CNOT6: variants seen among roughly 807,000 people sequenced by gnomAD.
CNOT6 encodes the protein carbon catabolite repression 4 protein.
Under a neutral mutation model 61.2 loss-of-function variants are expected in CNOT6, and 12 were observed. That is an observed-to-expected ratio of 0.20 (90% CI 0.13 to 0.32). CNOT6 has a LOEUF of 0.32. Among genes scored for constraint, CNOT6 ranks in the 10% least tolerant of loss-of-function variants. The probability of loss-of-function intolerance (pLI) is 1.00; values close to 1 mark genes in which losing one functional copy is unlikely to be tolerated. For synonymous variants in CNOT6, 225 were observed against 240.6 expected, an observed-to-expected ratio of 0.94 and a Z score of 0.60; for missense variants, 405 against 663.9, an observed-to-expected ratio of 0.61 and a Z score of 4.28.
At chr5:180,553,251 G>T in intron 3 of CNOT6, 135 bp from the exon 4 acceptor site, 1 of 385,752 alleles carries the variant, frequency 2.6e-6, no homozygotes, top group Non-Finnish European at 4.8e-6. Flanking sequence ...TTTAAGAAAC[G>T]CAGTACTAGA....
chr5:180,530,309 T>C (rs144515099), intron 2 of CNOT6, among the ~76,000 whole-genome samples: 1 of 152,352 alleles, frequency 6.6e-6, no homozygotes, highest in Non-Finnish European at 1.5e-5. Flanking sequence ...GTCCCGCTTT[T>C]TATGGAGCTT....
chr5:180,546,611 GC>G (rs1759326898), intron 2 of CNOT6, among the ~76,000 whole-genome samples: 3 of 152,060 alleles, frequency 2.0e-5, no homozygotes, highest in African/African-American at 7.2e-5. Flanking sequence ...TTCTAATATT[GC>G]TTTAAGTAGT....
chr5:180,543,653 T>G (rs1759156590), intron 2 of CNOT6, among the ~76,000 whole-genome samples: 1 of 152,208 alleles, frequency 6.6e-6, no homozygotes, highest in African/African-American at 2.4e-5. Flanking sequence ...GCTTTAAAAT[T>G]TTAGTAGATA....
intron 1 of CNOT6, among the ~76,000 whole-genome samples, chr5:180,509,706 C>T (rs1181195596): frequency 6.6e-6 from 1 of 151,836 alleles, no homozygotes; most frequent in Non-Finnish European, 1.5e-5. Flanking sequence ...TGAGCCACCA[C>T]ACCCAGCCTA....
intron 1 of CNOT6, among the ~76,000 whole-genome samples, chr5:180,528,525 C>T (rs1026131740): frequency 6.6e-5 from 10 of 152,064 alleles, no homozygotes; most frequent in African/African-American, 2.4e-4. Flanking sequence ...CCACATTAGC[C>T]AGGATGGTCT....
intron 11 of CNOT6, among the ~76,000 whole-genome samples, chr5:180,572,097 A>G (rs1760780349): frequency 1.3e-5 from 2 of 152,134 alleles, no homozygotes; most frequent in African/African-American, 4.8e-5. Flanking sequence ...TTGTGGTAAG[A>G]TGTTCCTTCT....
chr5:180,570,775 G>A (rs1760710396), intron 10 of CNOT6, among the ~76,000 whole-genome samples: 1 of 152,154 alleles, frequency 6.6e-6, no homozygotes, highest in Non-Finnish European at 1.5e-5. Context: ...TAACTAGCTG[G>A]TGGTATTCTC....
chr5:180,547,493 C>G (rs941433212), intron 2 of CNOT6, among the ~76,000 whole-genome samples: 4 of 151,690 alleles, frequency 2.6e-5, no homozygotes, highest in Non-Finnish European at 4.4e-5. Context: ...GCATTCCAGC[C>G]TGGGCAACAG....
In CNOT6 at chr5:180,553,489, G is replaced by T. The variant is rs754633058; in HGVS notation, c.385+18G>T. ...CCTGAAAGGTATGACTTCCATATTT[G>T]TACTTCTTATGGTTTGTGTATATGT... On this transcript the variant is annotated intron_variant, in intron 4 of 11. Transcript: ENST00000261951. The T allele has an allele frequency of 1.3e-6, 2 of 1,577,716 alleles. No homozygotes were observed. Among genetic ancestry groups the T allele is most frequent in the Non-Finnish European group, 1.7e-6 (2 of 1,147,936 alleles).
At chr5:180,550,405 A>G (rs1323822292) in intron 3 of CNOT6, among the ~76,000 whole-genome samples, 1 of 151,944 alleles carries the variant, frequency 6.6e-6, no homozygotes, top group African/African-American at 2.4e-5. Flanking sequence ...AGCCGAGATC[A>G]CACCGCTGCA....
chr5:180,525,909 G>A (rs185650201), intron 1 of CNOT6, among the ~76,000 whole-genome samples: 1 of 149,398 alleles, frequency 6.7e-6, no homozygotes, highest in Admixed American at 6.7e-5. Flanking sequence ...AAGATCACTG[G>A]GTTTCTTCTT....
intron 2 of CNOT6, among the ~76,000 whole-genome samples, chr5:180,531,498 A>G (rs982310828): frequency 1.4e-5 from 2 of 146,094 alleles, no homozygotes; most frequent in Admixed American, 6.9e-5. Flanking sequence ...CTCACTTCCC[A>G]GACTGGGCGG....
intron 1 of CNOT6, among the ~76,000 whole-genome samples, chr5:180,502,558 A>G (rs1181946630): frequency 6.6e-6 from 1 of 152,264 alleles, no homozygotes; most frequent in Non-Finnish European, 1.5e-5. Context: ...GTAAAATAGT[A>G]GCAAAGAGGA....
chr5:180,552,645 C>CAAAAA (rs372136116), intron 3 of CNOT6, among the ~76,000 whole-genome samples: 2 of 134,668 alleles, frequency 1.5e-5, no homozygotes, highest in African/African-American at 5.7e-5. Context: ...GACTCCGTCT[C>CAAAAA]AAAAAAAAAA....
chr5:180,557,063 G>A (rs908486702), intron 4 of CNOT6, among the ~76,000 whole-genome samples: 1 of 152,252 alleles, frequency 6.6e-6, no homozygotes, highest in East Asian at 1.9e-4. Context: ...CTGGTTGCAT[G>A]TATTGATAGT....
chr5:180,510,903 C>G (rs1757360433), intron 1 of CNOT6, among the ~76,000 whole-genome samples: 1 of 152,068 alleles, frequency 6.6e-6, no homozygotes, highest in Non-Finnish European at 1.5e-5. Context: ...CTCCCGGGTT[C>G]AAGCTATTCT....
intron 1 of CNOT6, among the ~76,000 whole-genome samples, chr5:180,520,959 C>T (rs1262264289): frequency 6.6e-6 from 1 of 151,856 alleles, no homozygotes; most frequent in African/African-American, 2.4e-5. Context: ...ATTCTCCTGC[C>T]TCAGCCTCCC....
At chr5:180,553,362 T>A in intron 3 of CNOT6, 24 bp from the exon 4 acceptor site, 2 of 1,571,764 alleles carry the variant, frequency 1.3e-6, no homozygotes, top group Non-Finnish European at 1.7e-6. Context: ...TTTTTCTGAC[T>A]TCCTGGAATT....
At chr5:180,537,202 GTGT>G (rs1758741916) in intron 2 of CNOT6, among the ~76,000 whole-genome samples, 2 of 152,332 alleles carry the variant, frequency 1.3e-5, no homozygotes, top group South Asian at 4.1e-4. Context: ...TGGGAATAGT[GTGT>G]TTAGTTTTGC....
Sources: gnomAD v4.1 joint callset for allele counts (sites outside exome capture counted in the v4.1 genomes callset) on GRCh38, gnomAD v4.1.1 for gene constraint, MANE v1.5 for transcripts, NCBI Gene and HGNC (gene_info 2026-07-23, HGNC 2026-07-21) for gene names.